Variants in UNC13C observed in about 807,000 individuals in gnomAD.
The protein encoded by UNC13C is protein unc-13 homolog C.
UNC13C carries 174 observed loss-of-function variants against 245.4 expected under a neutral mutation model. The ratio of observed to expected loss-of-function variants is 0.71; its 90% confidence interval spans 0.63 to 0.80. UNC13C has a LOEUF of 0.80. Ranked by LOEUF, UNC13C falls within the 30% of genes least tolerant of loss-of-function variation. UNC13C has a pLI of 0.00. For missense variants in UNC13C, 2,829 were observed against 2,602.9 expected (o/e 1.09, Z -1.89); for synonymous variants, 992 against 895.1 (o/e 1.11, Z -1.93).
At chr15:54,380,803 G>A (rs977505247) in intron 17 of UNC13C, among the ~76,000 whole-genome samples, 1 of 151,894 alleles carries the variant, frequency 6.6e-6, no homozygotes, top group African/African-American at 2.4e-5. Context: ...TGTTTAATTG[G>A]GTTATTTGTT....
rs770048378 is a variant in UNC13C at position 54,237,677 on chromosome 15, A to G, written c.3215A>G (p.Asn1072Ser). ...GCTATGGTGATTAGGACATCCCTAA[A>G]TAATGAGGAACTGGTAAGTACTAGA... ...SLAMVIRTSL[N>S]NEELKMHVFK... Residue 1072 changes from asparagine (N) to serine (S), a missense_variant, in exon 7 of 33, where the codon AAT becomes AGT. Transcript: ENST00000260323. 5.0e-6 allele frequency: 8 copies of G among 1,611,046 alleles called. No homozygotes were observed. The South Asian group carries it at 7.8e-5, about 16-fold the overall frequency.
At chr15:53,936,110 C>G in the UNC13C span, among the ~76,000 whole-genome samples, 3 of 152,186 alleles carry the variant, frequency 2.0e-5, no homozygotes, top group African/African-American at 7.2e-5. Context: ...GAGCAGCAGG[C>G]TGAAGACTGC....
At chr15:54,236,408 C>G in intron 5 of UNC13C, 22 bp from the exon 6 acceptor site, 1 of 1,583,162 alleles carries the variant, frequency 6.3e-7, no homozygotes, top group Admixed American at 1.7e-5. Flanking sequence ...ATTTTGTTTC[C>G]TCTCACTTCT....
At position 54,548,208 on chromosome 15, in the gene UNC13C, C is replaced by CTTTTTTTTTTTTTTTTT. The variant is rs60975842; in HGVS notation, c.5820+1377_5820+1393dup. Among the ~76,000 whole-genome samples, 4 of 61,872 alleles carry CTTTTTTTTTTTTTTTTT rather than the reference C, an allele frequency of 6.5e-5. 1 individual carries two copies. The highest frequency in any genetic ancestry group is 1.3e-4 in the African/African-American group (3 of 22,886). 40.6% of individuals were successfully genotyped at this position (61,872 alleles called of 152,430 possible). A position where few individuals can be genotyped will look rare whatever the true frequency, so the allele number is the denominator to read the frequency against. On this transcript the variant is annotated intron_variant, in intron 27 of 32. Coordinates refer to ENST00000260323, the MANE Select transcript of UNC13C (RefSeq NM_001080534.3). ...TGTTGTTGTTGTTTTGTTTCTTTTG[C>CTTTTTTTTTTTTTTTTT]TTTTTTTTTTTTTTTTTTTTTTTTT...
the UNC13C span, among the ~76,000 whole-genome samples, chr15:53,876,503 T>C: frequency 1.6e-4 from 25 of 152,198 alleles, no homozygotes; most frequent in Admixed American, 4.6e-4. Context: ...TAAGAAAATG[T>C]TACAGACGTG....
rs189836436 is a variant in UNC13C at position 54,503,819 on chromosome 15, G to A, written c.5301+2841G>A. On this transcript the variant is annotated intron_variant, in intron 22 of 32. Coordinates refer to ENST00000260323, the MANE Select transcript of UNC13C (RefSeq NM_001080534.3). ...GACTAATTAGTCTTGAAAACTCTAC[G>A]CTTCTAAGTATTGGAATCCTTATAT... Among the ~76,000 whole-genome samples, 217 of 152,016 alleles carry A rather than the reference G, an allele frequency of 1.4e-3. 1 individual carries two copies. Among genetic ancestry groups the A allele is most frequent in the Non-Finnish European group, 2.3e-3 (157 of 67,986 alleles).
intron 2 of UNC13C, among the ~76,000 whole-genome samples, chr15:54,055,086 A>G (rs999666052): frequency 1.3e-5 from 2 of 152,200 alleles, no homozygotes; most frequent in African/African-American, 4.8e-5. Flanking sequence ...GCTGCTTGTT[A>G]TATTACAAGA....
At chr15:54,444,117 T>C (rs980747045) in intron 19 of UNC13C, among the ~76,000 whole-genome samples, 1 of 151,922 alleles carries the variant, frequency 6.6e-6, no homozygotes, top group Non-Finnish European at 1.5e-5. Context: ...ATGTCCTCTT[T>C]CTGGATGATC....
At chr15:54,158,901 C>T (rs1339635708) in intron 4 of UNC13C, among the ~76,000 whole-genome samples, 1 of 152,192 alleles carries the variant, frequency 6.6e-6, no homozygotes, top group South Asian at 2.1e-4. Flanking sequence ...AATCCTCCCG[C>T]CTGGCCCCGA....
intron 7 of UNC13C, among the ~76,000 whole-genome samples, chr15:54,247,865 G>T (rs1354061152): frequency 3.3e-5 from 5 of 151,482 alleles, no homozygotes; most frequent in East Asian, 1.9e-4. Context: ...AATGAAATCT[G>T]CTCAGCTGTT....
At chr15:53,917,460 G>A in the UNC13C span, among the ~76,000 whole-genome samples, 1 of 152,200 alleles carries the variant, frequency 6.6e-6, no homozygotes, top group Non-Finnish European at 1.5e-5. Context: ...CTAAAAGTGA[G>A]TACCTAGTTC....
chr15:54,594,744 G>C (rs1287867142), intron 30 of UNC13C, among the ~76,000 whole-genome samples: 2 of 152,186 alleles, frequency 1.3e-5, no homozygotes, highest in Non-Finnish European at 2.9e-5. Context: ...CTTGCCTGAG[G>C]CTTTCCATCT....
At chr15:53,870,796 G>A in the UNC13C span, among the ~76,000 whole-genome samples, 6 of 152,086 alleles carry the variant, frequency 3.9e-5, no homozygotes, top group East Asian at 1.2e-3. Flanking sequence ...GTTTGGCCAA[G>A]GTCACACAGC....
At chr15:54,588,522 T>G (rs1303855288) in intron 30 of UNC13C, among the ~76,000 whole-genome samples, 1 of 152,104 alleles carries the variant, frequency 6.6e-6, no homozygotes, top group East Asian at 1.9e-4. Flanking sequence ...TTTCCATAAG[T>G]TATTGGTATA....
chr15:54,608,822 A>G (rs999315560), intron 30 of UNC13C, among the ~76,000 whole-genome samples: 3 of 152,172 alleles, frequency 2.0e-5, no homozygotes, highest in Non-Finnish European at 2.9e-5. Flanking sequence ...TGTTCATTAC[A>G]GTTCCTTATC....
At chr15:54,034,601 A>C (rs1017994274) in intron 2 of UNC13C, among the ~76,000 whole-genome samples, 6 of 152,186 alleles carry the variant, frequency 3.9e-5, no homozygotes, top group Non-Finnish European at 8.8e-5. Context: ...TTAAGAATAC[A>C]ATGATGTGAA....
chr15:54,465,487 A>G (rs1448312673), intron 19 of UNC13C, among the ~76,000 whole-genome samples: 1 of 152,224 alleles, frequency 6.6e-6, no homozygotes, highest in South Asian at 2.1e-4. Context: ...AGCCATTAGT[A>G]TAACTCCCTA....
the UNC13C span, among the ~76,000 whole-genome samples, chr15:53,963,026 T>C: frequency 3.9e-5 from 6 of 152,204 alleles, no homozygotes; most frequent in Non-Finnish European, 1.5e-5. Flanking sequence ...TTTTTCACAT[T>C]ACCTTACAGA....
intron 2 of UNC13C, among the ~76,000 whole-genome samples, chr15:54,117,723 G>A (rs973033838): frequency 2.6e-5 from 4 of 151,998 alleles, no homozygotes; most frequent in Non-Finnish European, 2.9e-5. Flanking sequence ...TGGGGCTACC[G>A]GCACATGCCA....
Sources: allele counts gnomAD v4.1 joint callset (sites outside exome capture counted in the v4.1 genomes callset), GRCh38; gene constraint gnomAD v4.1.1; transcripts MANE v1.5; gene names NCBI Gene and HGNC (gene_info 2026-07-23, HGNC 2026-07-21).